The following NDUFAF7 variants were observed in gnomAD, a reference collection of about 807,000 sequenced individuals.
NDUFAF7 encodes protein arginine methyltransferase NDUFAF7, mitochondrial.
NDUFAF7 carries 48 observed loss-of-function variants against 47.2 expected under a neutral mutation model. That is an observed-to-expected ratio of 1.02 (90% confidence interval 0.81 to 1.29). The LOEUF (loss-of-function observed/expected upper bound fraction) is 1.29, where lower values mean the gene tolerates loss of function less well. Ranked by LOEUF, NDUFAF7 falls within the 50% of genes most tolerant of loss-of-function variation. NDUFAF7 has a pLI of 0.00. For missense variants in NDUFAF7, 635 were observed against 537.6 expected (o/e 1.18, Z -1.79); for synonymous variants, 217 against 190.0 (o/e 1.14, Z -1.17).
the NDUFAF7 span, among the ~76,000 whole-genome samples, chr2:37,266,646 C>G: frequency 1.3e-5 from 2 of 152,096 alleles, no homozygotes; most frequent in African/African-American, 2.4e-5. Flanking sequence ...GCCACCGTGC[C>G]CGGCCTAGTT....
At chr2:37,238,449 C>CAAA (rs1297220665) in intron 4 of NDUFAF7, among the ~76,000 whole-genome samples, 1 of 126,654 alleles carries the variant, frequency 7.9e-6, no homozygotes. Flanking sequence ...GACTCCGTCT[C>CAAA]AAAAAAAAAA....
chr2:37,251,331 G>A (rs1191978440), downstream of NDUFAF7: 1 of 152,486 alleles, frequency 6.6e-6, no homozygotes, highest in Non-Finnish European at 1.5e-5. Flanking sequence ...GAGGGCTAAG[G>A]GTAAGATTAG....
downstream of NDUFAF7, among the ~76,000 whole-genome samples, chr2:37,250,169 C>A (rs933714398): frequency 2.0e-5 from 3 of 151,820 alleles, no homozygotes; most frequent in Non-Finnish European, 4.4e-5. Flanking sequence ...AAGACGGAGG[C>A]CTTGCTTTTC....
At chr2:37,231,895 A>T in intron 1 of NDUFAF7, 135 bp downstream of exon 1, 1 of 1,583,242 alleles carries the variant, frequency 6.3e-7, no homozygotes, top group East Asian at 2.3e-5. Context: ...CTGGGCTGGA[A>T]ACGGGTCCGG....
At chr2:37,233,325 C>T (rs896380965) in intron 2 of NDUFAF7, among the ~76,000 whole-genome samples, 1 of 152,166 alleles carries the variant, frequency 6.6e-6, no homozygotes, top group African/African-American at 2.4e-5. Flanking sequence ...GTAGGCAATT[C>T]GCTGTAAGAG....
intron 4 of NDUFAF7, among the ~76,000 whole-genome samples, chr2:37,239,118 CT>C (rs368415833): frequency 0.14 from 18,001 of 132,858 alleles, 737 homozygotes; most frequent in South Asian, 0.27. Context: ...TTTTCTTTCT[CT>C]TTTTTTTTTT....
chr2:37,255,018 G>A (rs1667819441), downstream of NDUFAF7, among the ~76,000 whole-genome samples: 1 of 152,088 alleles, frequency 6.6e-6, no homozygotes. Flanking sequence ...GTAACAAAAG[G>A]CTAGACCCAG....
chr2:37,247,465 G>T lies in NDUFAF7; in HGVS notation c.946G>T (p.Asp316Tyr). Residue 316 changes from aspartate (D) to tyrosine (Y), a missense_variant, in exon 9 of 10, where the codon GAC (aspartate) becomes TAC (tyrosine). Transcript: ENST00000002125. ...TKTDTFRGFCDHKLHDVLIAP... is the reference protein window; with the variant it reads ...TKTDTFRGFCYHKLHDVLIAP... ...TTTCTTTATGTTCAAGGGGTTTTGC[G>T]ACCACAAGCTTCATGATGTCTTAAT... The T allele has an allele frequency of 1.2e-6, 2 of 1,613,812 alleles. No individual in the cohort carries two copies. Among genetic ancestry groups the T allele is most frequent in the Non-Finnish European group, 1.7e-6 (2 of 1,179,912 alleles).
downstream of NDUFAF7, chr2:37,256,775 T>C (rs757192908): frequency 5.6e-6 from 9 of 1,613,676 alleles, no homozygotes; most frequent in East Asian, 2.2e-5. Flanking sequence ...GAGGCTCACA[T>C]AGATGATAAC....
intron 2 of NDUFAF7, 84 bp from the exon 3 acceptor site, chr2:37,236,012 A>G (rs1665714021): frequency 1.8e-6 from 2 of 1,130,726 alleles, no homozygotes; most frequent in African/African-American, 1.5e-5. Flanking sequence ...TTTCACTTTT[A>G]CATTATTTAA....
the NDUFAF7 span, chr2:37,260,137 C>G: frequency 8.0e-7 from 1 of 1,257,818 alleles, no homozygotes. Flanking sequence ...GCACTCCAGC[C>G]CAGGTGACAG....
At chr2:37,232,352 G>A (rs1290656994) in intron 2 of NDUFAF7, 86 bp downstream of exon 2, 39 of 1,559,486 alleles carry the variant, frequency 2.5e-5, no homozygotes, top group Non-Finnish European at 3.3e-5. Context: ...AAGGTTCTCA[G>A]CCCAGGCAGT....
downstream of NDUFAF7, chr2:37,254,359 GA>G (rs1667766361): frequency 5.8e-6 from 7 of 1,198,890 alleles, no homozygotes; most frequent in Non-Finnish European, 8.7e-6. Flanking sequence ...TGACTGCCTA[GA>G]AGGCAGTTCA....
chr2:37,263,065 T>C, the NDUFAF7 span, among the ~76,000 whole-genome samples: 1 of 152,182 alleles, frequency 6.6e-6, no homozygotes, highest in Non-Finnish European at 1.5e-5. Flanking sequence ...TGATCTGTTA[T>C]TCCTTTCTGC....
chr2:37,237,676 A>G, intron 3 of NDUFAF7, 81 bp from the exon 4 acceptor site: 2 of 1,126,088 alleles, frequency 1.8e-6, no homozygotes, highest in Non-Finnish European at 2.6e-6. Context: ...TATAGTGCAT[A>G]TTTATGTGAA....
chr2:37,254,402 G>C, downstream of NDUFAF7: 3 of 735,224 alleles, frequency 4.1e-6, no homozygotes, highest in Non-Finnish European at 7.2e-6. Context: ...AGGAATTTTT[G>C]CTTCTCAAGG....
rs575793366 is a variant in NDUFAF7 at position 37,236,612 on chromosome 2, T to TA, written c.297+446dup. Among the ~76,000 whole-genome samples the TA allele has an allele frequency of 2.7e-3, 403 of 147,882 alleles. 4 individuals are homozygous for TA. Among genetic ancestry groups the TA allele is most frequent in the African/African-American group, 9.3e-3 (374 of 40,358 alleles). On this transcript the variant is annotated intron_variant, in intron 3 of 9. Transcript: ENST00000002125. ...TAACACGGTGAAACGCAGTCTCTACTAAAAAAAAAATACAAAAAATTAGCC... is the reference window on the plus strand; with the variant it reads ...TAACACGGTGAAACGCAGTCTCTACTAAAAAAAAAAATACAAAAAATTAGCC...
chr2:37,259,783 C>CA, the NDUFAF7 span: 2 of 764,250 alleles, frequency 2.6e-6, no homozygotes, highest in Non-Finnish European at 4.3e-6. Flanking sequence ...TATAGTTCAT[C>CA]AAGACTTAGC....
downstream of NDUFAF7, chr2:37,253,062 T>C (rs1034959304): frequency 6.4e-6 from 7 of 1,099,488 alleles, no homozygotes; most frequent in East Asian, 2.5e-5. Flanking sequence ...TTATTCGTTA[T>C]CATATTTCTT....
Sources: gnomAD v4.1 joint callset for allele counts (sites outside exome capture counted in the v4.1 genomes callset) on GRCh38, gnomAD v4.1.1 for gene constraint, MANE v1.5 for transcripts, NCBI Gene and HGNC (gene_info 2026-07-23, HGNC 2026-07-21) for gene names.